CEP128: variants seen among roughly 807,000 people sequenced by gnomAD.
CEP128 encodes the protein centrosomal protein 128kDa.
Under a neutral mutation model 156.7 loss-of-function variants are expected in CEP128, and 132 were observed. The observed-to-expected ratio is 0.84, with a 90% confidence interval of 0.73 to 0.97. The LOEUF is 0.97. Ranked by LOEUF, CEP128 falls within the 50% of genes least tolerant of loss-of-function variation. CEP128 has a pLI of 0.00. For synonymous variants in CEP128, 469 were observed against 448.9 expected (o/e 1.04, Z -0.57); for missense variants, 1,252 against 1,281.9 (o/e 0.98, Z 0.36).
chr14:80,780,240 A>C (rs954276426), intron 15 of CEP128, among the ~76,000 whole-genome samples: 1 of 152,248 alleles, frequency 6.6e-6, no homozygotes, highest in African/African-American at 2.4e-5. Context: ...ACACAGAAAT[A>C]CAACATTTAT....
At chr14:80,868,271 T>C (rs1483565999) in intron 8 of CEP128, among the ~76,000 whole-genome samples, 1 of 152,208 alleles carries the variant, frequency 6.6e-6, no homozygotes, top group Non-Finnish European at 1.5e-5. Flanking sequence ...TTTAAGTTAC[T>C]TTTAACTCTA....
intron 13 of CEP128, among the ~76,000 whole-genome samples, chr14:80,814,811 C>A (rs758848560): frequency 6.6e-6 from 1 of 152,210 alleles, no homozygotes; most frequent in Non-Finnish European, 1.5e-5. Flanking sequence ...GTAATCCCAG[C>A]ACTTTGGGAG....
At chr14:80,932,181 T>C (rs965784305) in intron 2 of CEP128, among the ~76,000 whole-genome samples, 21 of 152,366 alleles carry the variant, frequency 1.4e-4, no homozygotes, top group Admixed American at 8.5e-4. Flanking sequence ...TCCTGAGGCC[T>C]CCGCAGCCAT....
At chr14:80,599,265 CTTTTTTTTTTTTTTT>C (rs375136337) in intron 19 of CEP128, among the ~76,000 whole-genome samples, 1 of 85,406 alleles carries the variant, frequency 1.2e-5, no homozygotes, top group East Asian at 3.7e-4. Context: ...CAGTCATATT[CTTTTTTTTTTTTTTT>C]TTTTTTTTTT....
At chr14:80,879,138 GCAGAGCCAC>G (rs1469222837) in intron 8 of CEP128, among the ~76,000 whole-genome samples, 4 of 152,080 alleles carry the variant, frequency 2.6e-5, no homozygotes, top group Admixed American at 6.5e-5. Context: ...TAACAAAGAA[GCAGAGCCAC>G]CACACTCTGC....
At chr14:80,723,130 T>C (rs1210435462) in intron 19 of CEP128, among the ~76,000 whole-genome samples, 2 of 152,082 alleles carry the variant, frequency 1.3e-5, no homozygotes, top group Non-Finnish European at 2.9e-5. Context: ...CCGGCCCTCT[T>C]TATCTTTTAA....
At chr14:80,907,678 A>C (rs2139457657) in intron 4 of CEP128, among the ~76,000 whole-genome samples, 1 of 151,510 alleles carries the variant, frequency 6.6e-6, no homozygotes, top group African/African-American at 2.4e-5. Context: ...AAAAAAAAAA[A>C]ACCTCAGCAT....
intron 14 of CEP128, chr14:80,478,411 T>A (rs1350933518): frequency 6.6e-6 from 1 of 152,138 alleles, no homozygotes; most frequent in Non-Finnish European, 1.5e-5. Context: ...ACACCCTCTA[T>A]GAGAGACAGA....
chr14:80,737,232 C>T (rs554775262), intron 19 of CEP128, among the ~76,000 whole-genome samples: 13 of 152,036 alleles, frequency 8.6e-5, no homozygotes, highest in African/African-American at 2.9e-4. Context: ...GGTGAAACTC[C>T]TTCTCTTCTA....
At chr14:80,793,456 C>T (rs547537455) in intron 13 of CEP128, among the ~76,000 whole-genome samples, 17 of 152,182 alleles carry the variant, frequency 1.1e-4, no homozygotes, top group East Asian at 7.7e-4. Context: ...GAAGAAATAT[C>T]GATGTTTTAA....
At chr14:80,769,115 G>A (rs1042225764) in intron 16 of CEP128, among the ~76,000 whole-genome samples, 5 of 151,976 alleles carry the variant, frequency 3.3e-5, no homozygotes, top group African/African-American at 7.2e-5. Context: ...AACAACTAGA[G>A]TTTCAAATTA....
At chr14:80,940,483 A>G (rs1444555113) in intron 1 of CEP128, among the ~76,000 whole-genome samples, 1 of 152,118 alleles carries the variant, frequency 6.6e-6, no homozygotes, top group Non-Finnish European at 1.5e-5. Context: ...ATACATGTAA[A>G]ATACACAAGA....
chr14:80,901,753 T>C (rs1216972334), intron 6 of CEP128, among the ~76,000 whole-genome samples: 1 of 152,182 alleles, frequency 6.6e-6, no homozygotes. Flanking sequence ...CTAAAATGCT[T>C]TTAATTCTAC....
intron 19 of CEP128, among the ~76,000 whole-genome samples, chr14:80,678,435 C>A (rs1896179215): frequency 6.6e-6 from 1 of 151,554 alleles, no homozygotes; most frequent in Admixed American, 6.6e-5. Flanking sequence ...TCTCCCCCCA[C>A]AAAATGGCAG....
intron 21 of CEP128, among the ~76,000 whole-genome samples, chr14:80,556,196 T>A (rs1228742423): frequency 6.6e-6 from 1 of 152,142 alleles, no homozygotes; most frequent in East Asian, 1.9e-4. Flanking sequence ...AAATTTACAT[T>A]AACATTTAGT....
chr14:80,666,329 C>A (rs74630276), intron 19 of CEP128, among the ~76,000 whole-genome samples: 2,807 of 152,236 alleles, frequency 0.018, 39 homozygotes, highest in Non-Finnish European at 0.031. Context: ...CTGCCTTGTG[C>A]GAATTGGAGT....
chr14:80,555,780 T>C (rs1187286035), intron 21 of CEP128, among the ~76,000 whole-genome samples: 1 of 152,116 alleles, frequency 6.6e-6, no homozygotes. Context: ...GCAAAATCTA[T>C]CATTTTCACA....
At chr14:80,739,726 C>T (rs763541959) in intron 19 of CEP128, among the ~76,000 whole-genome samples, 1 of 152,062 alleles carries the variant, frequency 6.6e-6, no homozygotes, top group South Asian at 2.1e-4. Flanking sequence ...AGAATTAATA[C>T]TAACAATGTT....
intron 9 of CEP128, among the ~76,000 whole-genome samples, chr14:80,848,701 A>G (rs1886735291): frequency 6.6e-6 from 1 of 151,768 alleles, no homozygotes; most frequent in Non-Finnish European, 1.5e-5. Context: ...GGAAAGAAAG[A>G]AAGAAAATTA....
Sources: gnomAD v4.1 joint callset for allele counts (sites outside exome capture counted in the v4.1 genomes callset) on GRCh38, gnomAD v4.1.1 for gene constraint, MANE v1.5 for transcripts, NCBI Gene and HGNC (gene_info 2026-07-23, HGNC 2026-07-21) for gene names.